Variants in DLG2 observed in about 807,000 individuals in gnomAD.
The protein encoded by DLG2 is discs large MAGUK scaffold protein 2.
DLG2 carries 45 observed loss-of-function variants against 132.5 expected under a neutral mutation model. That is an observed-to-expected ratio of 0.34 (90% CI 0.27 to 0.44). DLG2 has a LOEUF of 0.44. Ranked by LOEUF, DLG2 falls within the 20% of genes least tolerant of loss-of-function variation. The pLI is 1.00. For missense variants in DLG2, 1,045 were observed against 1,196.9 expected, an observed-to-expected ratio of 0.87 and a Z score of 1.87; for synonymous variants, 424 against 419.6, an observed-to-expected ratio of 1.01 and a Z score of -0.13.
intron 6 of DLG2, among the ~76,000 whole-genome samples, chr11:84,884,486 A>G (rs540484475): frequency 2.8e-4 from 43 of 152,284 alleles, no homozygotes; most frequent in South Asian, 1.4e-3. Flanking sequence ...CCTCAGATCT[A>G]TTTAAGTATT....
At chr11:85,453,968 C>T (rs190960116) in intron 3 of DLG2, among the ~76,000 whole-genome samples, 111 of 152,042 alleles carry the variant, frequency 7.3e-4, no homozygotes, top group African/African-American at 2.6e-3. Flanking sequence ...GTCTGTTGTT[C>T]CCCTTTGTGT....
chr11:84,452,575 G>C (rs868269568), intron 7 of DLG2, among the ~76,000 whole-genome samples: 5 of 151,704 alleles, frequency 3.3e-5, no homozygotes, highest in African/African-American at 1.2e-4. Context: ...TTTTTAAAAA[G>C]TGGTTGGGTT....
intron 5 of DLG2, among the ~76,000 whole-genome samples, chr11:85,124,614 G>T (rs2074840204): frequency 6.6e-6 from 1 of 152,120 alleles, no homozygotes; most frequent in African/African-American, 2.4e-5. Flanking sequence ...TCTGAATCTT[G>T]ATCCAACACA....
chr11:84,092,556 T>C (rs954677390), intron 10 of DLG2, among the ~76,000 whole-genome samples: 6 of 152,208 alleles, frequency 3.9e-5, no homozygotes, highest in Non-Finnish European at 8.8e-5. Flanking sequence ...TGAGAAGTTG[T>C]TCTTTCAGGA....
At chr11:83,719,136 C>G (rs2087631601) in intron 18 of DLG2, among the ~76,000 whole-genome samples, 1 of 152,220 alleles carries the variant, frequency 6.6e-6, no homozygotes, top group South Asian at 2.1e-4. Context: ...TCAGGCCTAA[C>G]AGTGACTCTT....
chr11:84,510,315 C>A (rs1285581864), intron 7 of DLG2, among the ~76,000 whole-genome samples: 1 of 151,910 alleles, frequency 6.6e-6, no homozygotes, highest in Non-Finnish European at 1.5e-5. Flanking sequence ...TCATTTATTA[C>A]CCAAGAATTC....
intron 3 of DLG2, among the ~76,000 whole-genome samples, chr11:85,324,533 G>A (rs1352501847): frequency 6.6e-6 from 1 of 152,054 alleles, no homozygotes; most frequent in Non-Finnish European, 1.5e-5. Flanking sequence ...TAAACTTTCG[G>A]AGCATCATCC....
At chr11:85,029,377 C>A (rs2060821495) in intron 6 of DLG2, among the ~76,000 whole-genome samples, 1 of 152,176 alleles carries the variant, frequency 6.6e-6, no homozygotes, top group African/African-American at 2.4e-5. Context: ...CATGTGTCCA[C>A]ATGTCTTCAC....
chr11:85,252,848 G>T (rs901759887), intron 4 of DLG2, among the ~76,000 whole-genome samples: 5 of 152,172 alleles, frequency 3.3e-5, no homozygotes, highest in African/African-American at 1.2e-4. Flanking sequence ...CAAGTACCAA[G>T]AAGGGTTTGA....
At chr11:84,350,178 C>CT (rs2098557025) in intron 7 of DLG2, among the ~76,000 whole-genome samples, 2 of 143,234 alleles carry the variant, frequency 1.4e-5, no homozygotes, top group Admixed American at 6.9e-5. Flanking sequence ...ACTTCGTCCC[C>CT]CCCCCCAAAA....
intron 17 of DLG2, among the ~76,000 whole-genome samples, chr11:83,825,843 T>C (rs1255685564): frequency 6.6e-6 from 1 of 152,200 alleles, no homozygotes; most frequent in Non-Finnish European, 1.5e-5. Flanking sequence ...ACTGCCCTGC[T>C]GTCTGGCATC....
At chr11:85,101,322 C>T (rs1261695587) in intron 6 of DLG2, among the ~76,000 whole-genome samples, 3 of 152,006 alleles carry the variant, frequency 2.0e-5, no homozygotes, top group Non-Finnish European at 2.9e-5. Context: ...CATTATGGGT[C>T]TCTCATGTTC....
At chr11:83,889,707 C>T (rs550600809) in intron 15 of DLG2, among the ~76,000 whole-genome samples, 35 of 152,072 alleles carry the variant, frequency 2.3e-4, no homozygotes, top group African/African-American at 8.2e-4. Context: ...TTGGAACCAA[C>T]CCAAATGTCC....
chr11:85,172,191 A>C (rs1188679721), intron 4 of DLG2, among the ~76,000 whole-genome samples: 1 of 152,216 alleles, frequency 6.6e-6, no homozygotes, highest in Admixed American at 6.5e-5. Context: ...GACGCCTCCT[A>C]CAGGAGCGTT....
In DLG2 at chr11:84,484,786, C is replaced by T. The variant is rs577424148; in HGVS notation, c.519+49784G>A. On this transcript the variant is annotated intron_variant, in intron 7 of 27. Transcript: ENST00000376104. ...CCCATTTGAATAATCTTTCAAGTCA[C>T]GTGGCTCTTTCTGACCACATCTAAC... Among the ~76,000 whole-genome samples the T allele has an allele frequency of 3.5e-4, 54 of 152,206 alleles. 1 individual carries two copies. The South Asian group carries it at 0.011, about 31-fold the overall frequency.
At chr11:83,642,079 C>A (rs755914471) in intron 18 of DLG2, among the ~76,000 whole-genome samples, 3 of 152,184 alleles carry the variant, frequency 2.0e-5, no homozygotes, top group Admixed American at 6.5e-5. Context: ...ATGCACCTAT[C>A]TCTTGTACTT....
chr11:85,096,450 G>A (rs2069791709), intron 6 of DLG2, among the ~76,000 whole-genome samples: 1 of 151,354 alleles, frequency 6.6e-6, no homozygotes, highest in South Asian at 2.1e-4. Context: ...TCACTGCAAA[G>A]GGCCGCGGCT....
intron 3 of DLG2, among the ~76,000 whole-genome samples, chr11:85,545,194 A>G (rs892250530): frequency 9.2e-5 from 14 of 152,200 alleles, no homozygotes; most frequent in Admixed American, 6.5e-5. Flanking sequence ...GAGTTTTAGC[A>G]TGAAGGGCTG....
In DLG2 at chr11:84,916,298, G is replaced by A. The variant is rs1240298731; in HGVS notation, c.357+195363C>T. On this transcript the variant is annotated intron_variant, in intron 6 of 27. Transcript: ENST00000376104. ...CGGGAGGCGGAGCATGCAGTGAGCC[G>A]AGATTGCGCCACTGCACTCCAGCCT... is the stretch of plus-strand genomic sequence containing the variant. Among the ~76,000 whole-genome samples, 5 of 121,296 alleles carry A rather than the reference G, an allele frequency of 4.1e-5. No individual in the cohort carries two copies. In the East Asian group the frequency reaches 1.1e-3, roughly 28 times the overall value. 79.6% of individuals were successfully genotyped at this position (121,296 alleles called of 152,430 possible).
Sources: gnomAD v4.1 joint callset for allele counts (sites outside exome capture counted in the v4.1 genomes callset) on GRCh38, gnomAD v4.1.1 for gene constraint, MANE v1.5 for transcripts, NCBI Gene and HGNC (gene_info 2026-07-23, HGNC 2026-07-21) for gene names.